The following GATAD2A variants were observed in gnomAD, a reference collection of about 807,000 sequenced individuals.
GATAD2A encodes the protein transcriptional repressor p66-alpha.
GATAD2A carries 12 observed loss-of-function variants against 68.5 expected under a neutral mutation model. The observed-to-expected ratio is 0.18, with a 90% CI of 0.11 to 0.28. GATAD2A has a LOEUF of 0.28. Ranked by LOEUF, GATAD2A falls within the 10% of genes least tolerant of loss-of-function variation. GATAD2A has a pLI of 1.00. For synonymous variants in GATAD2A, 410 were observed against 375.3 expected (o/e 1.09, Z -1.07); for missense variants, 755 against 868.5 (o/e 0.87, Z 1.64).
chr19:19,500,151 G>A (rs2060429390), intron 8 of GATAD2A, among the ~76,000 whole-genome samples: 1 of 152,214 alleles, frequency 6.6e-6, no homozygotes, highest in African/African-American at 2.4e-5. Flanking sequence ...GAGACTTTGA[G>A]CCCTGCTGGA....
At chr19:19,465,089 G>A (rs1215388884) in intron 1 of GATAD2A, 7 of 571,056 alleles carry the variant, frequency 1.2e-5, no homozygotes, top group Non-Finnish European at 2.2e-5. Flanking sequence ...CAACAGGGCA[G>A]GGTGTAGTTT....
intron 1 of GATAD2A, among the ~76,000 whole-genome samples, chr19:19,398,875 A>G (rs1479037513): frequency 6.6e-6 from 1 of 151,970 alleles, no homozygotes; most frequent in Non-Finnish European, 1.5e-5. Flanking sequence ...CCTGGCCAAC[A>G]TGGTGAAACC....
chr19:19,487,474 T>G (rs1204590444), intron 2 of GATAD2A, among the ~76,000 whole-genome samples: 1 of 148,788 alleles, frequency 6.7e-6, no homozygotes. Flanking sequence ...CAAAGGCACT[T>G]AGATGGGCTT....
chr19:19,433,190 C>T (rs761825351), intron 1 of GATAD2A, among the ~76,000 whole-genome samples: 32 of 152,170 alleles, frequency 2.1e-4, no homozygotes, highest in Non-Finnish European at 3.7e-4. Flanking sequence ...TCCACCACCC[C>T]CCTGCCCCAG....
At chr19:19,423,038 G>A (rs1340149023) in intron 1 of GATAD2A, among the ~76,000 whole-genome samples, 2 of 152,082 alleles carry the variant, frequency 1.3e-5, no homozygotes, top group South Asian at 2.1e-4. Flanking sequence ...TTAGGATTTC[G>A]TTCTGTCATC....
intron 1 of GATAD2A, among the ~76,000 whole-genome samples, chr19:19,389,843 A>T (rs929757228): frequency 6.6e-6 from 1 of 152,102 alleles, no homozygotes. Context: ...GCTCACTGCA[A>T]CCTCTGCCCT....
Position 19,485,502 on chromosome 19 carries a change from AGCGGG to A in GATAD2A, c.270-6802_270-6798del, listed in dbSNP as rs553891198. Among the ~76,000 whole-genome samples the A allele has an allele frequency of 7.1e-3, 1,079 of 152,164 alleles. 7 individuals are homozygous for A. The highest frequency in any genetic ancestry group is 9.0e-3 in the Non-Finnish European group (612 of 67,994). ...TGCCTGTCTCCATCTCCCCCACTATAGCGGGGGCTAGTGTGGGCCTCTGATCCCGT... is the reference window on the plus strand; with the variant it reads ...TGCCTGTCTCCATCTCCCCCACTATAGGCTAGTGTGGGCCTCTGATCCCGT... On this transcript the variant is annotated intron_variant, in intron 2 of 11. Coordinates refer to ENST00000683918, the MANE Select transcript of GATAD2A (RefSeq NM_001384528.1).
intron 4 of GATAD2A, among the ~76,000 whole-genome samples, chr19:19,493,304 T>C (rs2059926539): frequency 6.6e-6 from 1 of 152,190 alleles, no homozygotes; most frequent in South Asian, 2.1e-4. Context: ...GCTGGAAGCA[T>C]GTTTCTGGGT....
intron 1 of GATAD2A, among the ~76,000 whole-genome samples, chr19:19,416,422 CT>C (rs2051651713): frequency 6.6e-6 from 1 of 152,160 alleles, no homozygotes; most frequent in African/African-American, 2.4e-5. Context: ...GACTGAAGGC[CT>C]TTCCTGATGC....
chr19:19,386,737 C>T (rs916918449), intron 1 of GATAD2A, among the ~76,000 whole-genome samples: 2 of 151,868 alleles, frequency 1.3e-5, no homozygotes, highest in African/African-American at 4.8e-5. Flanking sequence ...CCCCTCTTAT[C>T]AGGGGCTCCC....
At chr19:19,488,214 C>T (rs963172810) in intron 2 of GATAD2A, among the ~76,000 whole-genome samples, 1 of 152,234 alleles carries the variant, frequency 6.6e-6, no homozygotes, top group African/African-American at 2.4e-5. Flanking sequence ...ACGGGGCCAG[C>T]CCCAAGCCCA....
At chr19:19,401,294 A>G (rs2049721977), upstream of GATAD2A, among the ~76,000 whole-genome samples, 4 of 147,766 alleles carry the variant, frequency 2.7e-5, no homozygotes, top group South Asian at 8.6e-4. Context: ...GCTCACTGCA[A>G]GCTCCGCCTC....
intron 8 of GATAD2A, among the ~76,000 whole-genome samples, chr19:19,500,043 G>A (rs1452815166): frequency 6.6e-6 from 1 of 152,216 alleles, no homozygotes; most frequent in East Asian, 1.9e-4. Flanking sequence ...CCCTGCCTGT[G>A]CGGGCATCCG....
intron 2 of GATAD2A, among the ~76,000 whole-genome samples, chr19:19,474,322 G>C (rs1396908012): frequency 2.0e-5 from 3 of 152,132 alleles, no homozygotes. Context: ...GTGCACCTGT[G>C]AGTCAAACCC....
chr19:19,422,179 A>G (rs930607829), intron 1 of GATAD2A, among the ~76,000 whole-genome samples: 1 of 152,230 alleles, frequency 6.6e-6, no homozygotes, highest in East Asian at 1.9e-4. Context: ...TCTTTATAAC[A>G]TATCAGCATT....
rs185999850 is a variant in GATAD2A, at chr19:19,392,580, C to T, written c.-7+6442C>T. On this transcript the variant is annotated intron_variant, in intron 1 of 11. Transcript: ENST00000360315. Reference sequence around the variant, plus strand: ...CTAATTTTTGTATTTTTAGTAGAGACGGGGTTTCACCATCTTGGCCAAGCT... The same window carrying T: ...CTAATTTTTGTATTTTTAGTAGAGATGGGGTTTCACCATCTTGGCCAAGCT... Among the ~76,000 whole-genome samples, 258 of 151,642 alleles carry T rather than the reference C, an allele frequency of 1.7e-3. 2 individuals carry two copies. Among genetic ancestry groups the T allele is most frequent in the South Asian group, 0.013 (64 of 4,780 alleles).
intron 2 of GATAD2A, among the ~76,000 whole-genome samples, chr19:19,483,310 T>C (rs1600248203): frequency 6.6e-6 from 1 of 152,178 alleles, no homozygotes; most frequent in African/African-American, 2.4e-5. Context: ...TCGTTGGACC[T>C]GAAGTCTCCA....
At chr19:19,417,518 G>C (rs537737328) in intron 1 of GATAD2A, among the ~76,000 whole-genome samples, 1 of 152,196 alleles carries the variant, frequency 6.6e-6, no homozygotes, top group African/African-American at 2.4e-5. Context: ...TGTTGGGTGC[G>C]GGGGGTGGAG....
At chr19:19,413,363 C>T (rs1055334253) in intron 1 of GATAD2A, among the ~76,000 whole-genome samples, 1 of 152,212 alleles carries the variant, frequency 6.6e-6, no homozygotes, top group African/African-American at 2.4e-5. Context: ...TTGGTTCCGT[C>T]ACTCTCGAGA....
Sources: gnomAD v4.1 joint callset for allele counts (sites outside exome capture counted in the v4.1 genomes callset) on GRCh38, gnomAD v4.1.1 for gene constraint, MANE v1.5 for transcripts, NCBI Gene and HGNC (gene_info 2026-07-23, HGNC 2026-07-21) for gene names.